The following SCAP variants were observed in gnomAD, a reference collection of about 807,000 sequenced individuals.
SCAP encodes the protein SREBF chaperone.
A neutral mutation model predicts 123.6 loss-of-function variants in SCAP; 65 were observed. The ratio of observed to expected loss-of-function variants is 0.53; its 90% confidence interval spans 0.43 to 0.65. The LOEUF is 0.65. SCAP is among the 30% of genes least tolerant of loss of function. SCAP has a pLI of 0.00. For synonymous variants in SCAP, 740 were observed against 726.3 expected, an observed-to-expected ratio of 1.02 and a Z score of -0.30; for missense variants, 1,398 against 1,712.5, an observed-to-expected ratio of 0.82 and a Z score of 3.24.
intron 1 of SCAP, chr3:47,469,717 C>T (rs534904141): frequency 8.0e-6 from 3 of 374,504 alleles, no homozygotes; most frequent in South Asian, 2.2e-5. Context: ...GTAAGACATG[C>T]CTTTGCTCCT....
intron 6 of SCAP, among the ~76,000 whole-genome samples, chr3:47,426,609 T>G (rs2107820457): frequency 6.6e-6 from 1 of 152,148 alleles, no homozygotes; most frequent in South Asian, 2.1e-4. Context: ...GGCTAATTTT[T>G]TGTATTTTTA....
intron 9 of SCAP, among the ~76,000 whole-genome samples, 184 bp downstream of exon 9, chr3:47,423,749 A>T (rs1706008337): frequency 6.6e-6 from 1 of 152,160 alleles, no homozygotes; most frequent in Non-Finnish European, 1.5e-5. Context: ...CAATGGCCCC[A>T]TGGCTCCCCA....
At chr3:47,472,995 G>A (rs1393044182) in intron 1 of SCAP, among the ~76,000 whole-genome samples, 1 of 148,376 alleles carries the variant, frequency 6.7e-6, no homozygotes, top group Non-Finnish European at 1.5e-5. Flanking sequence ...CAGGAGAATC[G>A]CTTGAACCTG....
At position 47,414,985 on chromosome 3, in the gene SCAP, C is replaced by T. The variant is rs367896018; in HGVS notation, c.3148G>A (p.Gly1050Arg). The change falls in exon 20 of 23, where the codon GGG becomes AGG. Residue 1050 changes from glycine (G) to arginine (R), a missense_variant. Coordinates refer to ENST00000265565, the MANE Select transcript of SCAP (RefSeq NM_012235.4). ...GGAGAGGCAGGGGAACTGCCCCGCC[C>T]TGGGGTCCCTGAGGACAAAAGGCCA... ...LSPLQFRGTP[G>R]RGSSPASPVY... 7.5e-6 allele frequency: 12 copies of T among 1,590,594 alleles called. No homozygotes were observed. Among genetic ancestry groups the T allele is most frequent in the African/African-American group, 5.4e-5 (4 of 74,000 alleles).
intron 1 of SCAP, among the ~76,000 whole-genome samples, chr3:47,465,723 T>G (rs1028001585): frequency 4.6e-5 from 7 of 151,368 alleles, no homozygotes; most frequent in Admixed American, 4.0e-4. Flanking sequence ...GAGCAGTGAC[T>G]GCGCCAATGC....
chr3:47,465,958 C>G (rs1707810009), intron 1 of SCAP, among the ~76,000 whole-genome samples: 5 of 151,624 alleles, frequency 3.3e-5, no homozygotes, highest in Admixed American at 3.3e-4. Flanking sequence ...CATGGTGAAA[C>G]CCCGTCTCTA....
At chr3:47,415,888 C>A (rs1039087081) in intron 18 of SCAP, among the ~76,000 whole-genome samples, 2 of 152,294 alleles carry the variant, frequency 1.3e-5, no homozygotes, top group Middle Eastern at 3.4e-3. Flanking sequence ...CCACAGTCAC[C>A]AGGAACCCTG....
In SCAP at chr3:47,427,472, G is replaced by A; in HGVS notation, c.606C>T (p.Thr202=). The A allele has an allele frequency of 6.2e-7, 1 of 1,614,206 alleles. No homozygotes were observed. Among genetic ancestry groups the A allele is most frequent in the Non-Finnish European group, 8.5e-7 (1 of 1,180,046 alleles). Residue 202 remains threonine (T), a synonymous_variant, in exon 5 of 23, where the codon ACC becomes ACT. Coordinates refer to ENST00000265565, the MANE Select transcript of SCAP (RefSeq NM_012235.4). ...CTTTGAGTGTGGCTGAAGTCTGCAG[G>A]GTTTTAGGCTCGTGCTGGTGGATGG... The part of the protein sequence containing the change: ...IGTIHQHEPK[T]LQTSATLKDL...
chr3:47,420,439 G>A lies in SCAP; in HGVS notation c.1563+115C>T. ...ACTCCCCAGAGCCAGGCTTCCAGGG[G>A]CCACCAGGGCCTGAGGAATACCCTT... On this transcript the variant is annotated intron_variant, in intron 12 of 22. Transcript: ENST00000265565. This position sits in a 1 kb window ranked among gnomAD's most constrained non-coding sequence, Gnocchi z 5.0. The A allele has an allele frequency of 1.1e-6, 1 of 946,782 alleles. No individual in the cohort carries two copies. The highest frequency in any genetic ancestry group is 1.5e-6 in the Non-Finnish European group (1 of 652,076). The allele number at this position is 946,782 out of a possible 1,614,324, so 58.6% of individuals were successfully genotyped here. A position where few individuals can be genotyped will look rare whatever the true frequency, so the allele number is the denominator to read the frequency against.
Position 47,418,461 on chromosome 3 carries a change from G to A in SCAP, c.2191C>T (p.Arg731Cys), listed in dbSNP as rs760837280. ...VLVLLLLCLY[R>C]VLCPRNYGQL... ...CCGTAGTTGCGCGGGCATAGCACGC[G>A]GTAGAGGCAGAGCAGCAGCAGCACC... The change falls in exon 15 of 23, where the codon CGC becomes TGC. Residue 731 changes from arginine (R) to cysteine (C), a missense_variant. Transcript: ENST00000265565. The A allele has an allele frequency of 4.4e-6, 7 of 1,598,478 alleles. No homozygotes were observed. Among genetic ancestry groups the A allele is most frequent in the African/African-American group, 1.3e-5 (1 of 74,816 alleles).
rs185548472 is a variant in SCAP at position 47,447,960 on chromosome 3, G to C, written c.-98-4869C>G. ...GCAGAGGTTGCAGTAAGCTGAGATAGTGCCACTGCACTCCAGCCTGGGCAA... is the reference window on the plus strand; with the variant it reads ...GCAGAGGTTGCAGTAAGCTGAGATACTGCCACTGCACTCCAGCCTGGGCAA... On this transcript the variant is annotated intron_variant, in intron 1 of 22. Transcript: ENST00000265565. Among the ~76,000 whole-genome samples the C allele has an allele frequency of 1.6e-4, 18 of 115,938 alleles. No individual in the cohort carries two copies. The Admixed American group carries it at 2.2e-3, about 14-fold the overall frequency. 76.1% of individuals were successfully genotyped at this position (115,938 alleles called of 152,430 possible). A position where few individuals can be genotyped will look rare whatever the true frequency, so the allele number is the denominator to read the frequency against.
chr3:47,464,296 G>A (rs1299169191), intron 1 of SCAP, among the ~76,000 whole-genome samples: 3 of 151,880 alleles, frequency 2.0e-5, no homozygotes, highest in African/African-American at 4.8e-5. Context: ...GATTACAGGC[G>A]TGAGCCACTG....
chr3:47,420,432 T>G lies in SCAP; in HGVS notation c.1563+122A>C, dbSNP rs1406304816. ...ACGGGCAACTCCCCAGAGCCAGGCT[T>G]CCAGGGGCCACCAGGGCCTGAGGAA... On this transcript the variant is annotated intron_variant, in intron 12 of 22. Coordinates refer to ENST00000265565, the MANE Select transcript of SCAP (RefSeq NM_012235.4). This position sits in a 1 kb window ranked among gnomAD's most constrained non-coding sequence, Gnocchi z 5.0. 1.1e-6 allele frequency: 1 copy of G among 901,382 alleles called. No individual in the cohort carries two copies. Among genetic ancestry groups the G allele is most frequent in the African/African-American group, 1.7e-5 (1 of 59,356 alleles). 55.8% of individuals were successfully genotyped at this position (901,382 alleles called of 1,614,324 possible).
intron 3 of SCAP, 194 bp from the exon 4 acceptor site, chr3:47,428,864 C>T (rs1178565056): frequency 5.3e-6 from 3 of 567,824 alleles, no homozygotes; most frequent in Non-Finnish European, 9.1e-6. Flanking sequence ...CAGAAACTCC[C>T]TCCGCTTATG....
At chr3:47,432,935 A>C (rs1396810285) in intron 3 of SCAP, among the ~76,000 whole-genome samples, 1 of 152,230 alleles carries the variant, frequency 6.6e-6, no homozygotes, top group African/African-American at 2.4e-5. Flanking sequence ...GGGGACAGGC[A>C]GGTAACCCTA....
Position 47,450,474 on chromosome 3 carries a change from TG to T in SCAP, c.-98-7384del, listed in dbSNP as rs758784767. ...GGAGAATAGAGGGAAACGTTAGTAG[TG>T]GTTGCTTGTCTTTGTGTAATGTGAT... On this transcript the variant is annotated intron_variant, in intron 1 of 22. Transcript: ENST00000265565. Among the ~76,000 whole-genome samples, 64 of 122,230 alleles carry T rather than the reference TG, an allele frequency of 5.2e-4. 17 individuals are homozygous for T. Among genetic ancestry groups the T allele is most frequent in the Non-Finnish European group, 1.0e-3 (58 of 55,742 alleles). The allele number at this position is 122,230 out of a possible 152,430, so 80.2% of individuals were successfully genotyped here.
At chr3:47,414,462 T>C (rs2107739657) in intron 21 of SCAP, 76 bp from the exon 22 acceptor site, 1 of 1,588,766 alleles carries the variant, frequency 6.3e-7, no homozygotes. Context: ...TGTGCCCCAG[T>C]GGGTGGGGCC....
rs1705495198 is a variant in SCAP at position 47,414,825 on chromosome 3, ACTCT to A, written c.3304_3306+1del. ...GCACCCAAGAGACAAGACAATACTC[ACTCT>A]CAGTGTGTGGTCTTGGCTCCCAGTC... is the stretch of plus-strand genomic sequence containing the variant. On this transcript the variant is annotated splice_donor_variant and coding_sequence_variant, in exon 20 of 23. Transcript: ENST00000265565. LOFTEE classifies it high-confidence loss of function. The A allele has an allele frequency of 6.2e-7, 1 of 1,602,710 alleles. No homozygotes were observed.
In SCAP at chr3:47,426,726, G is replaced by A. The variant is rs112560350; in HGVS notation, c.737+431C>T. On this transcript the variant is annotated intron_variant, in intron 6 of 22. Coordinates refer to ENST00000265565, the MANE Select transcript of SCAP (RefSeq NM_012235.4). ...TCTGGGATTACAGGCGTGAGCCACC[G>A]CGCCCGGCCTCCAACACTCTTGATT... 2.2e-4 allele frequency among the ~76,000 whole-genome samples: 34 copies of A among 152,284 alleles called. 2 individuals carry two copies. The highest frequency in any genetic ancestry group is 1.9e-3 in the South Asian group (9 of 4,830).
Sources: gnomAD v4.1 joint callset for allele counts (sites outside exome capture counted in the v4.1 genomes callset) on GRCh38, gnomAD v4.1.1 for gene constraint, Gnocchi (gnomAD v3.1) non-coding constraint, MANE v1.5 for transcripts, NCBI Gene and HGNC (gene_info 2026-07-23, HGNC 2026-07-21) for gene names.